Variants in DSC3 observed in about 807,000 individuals in gnomAD.
DSC3 encodes desmocollin-3.
DSC3 carries 97 observed loss-of-function variants against 89.5 expected under a neutral mutation model. That is an observed-to-expected ratio of 1.08 (90% CI 0.92 to 1.28). The LOEUF (loss-of-function observed/expected upper bound fraction) is 1.28, where lower values mean the gene tolerates loss of function less well. DSC3 is among the 50% of genes most tolerant of loss of function. The pLI is 0.00. For missense variants in DSC3, 1,199 were observed against 1,085.3 expected, an observed-to-expected ratio of 1.10 and a Z score of -1.47; for synonymous variants, 436 against 384.1, an observed-to-expected ratio of 1.14 and a Z score of -1.58.
chr18:31,005,685 A>G (rs550187424), intron 12 of DSC3, among the ~76,000 whole-genome samples: 2 of 152,238 alleles, frequency 1.3e-5, no homozygotes, highest in African/African-American at 2.4e-5. Flanking sequence ...TCTACTAAGC[A>G]TTAGGCTAGG....
At chr18:30,996,004 A>AAAAAAAAAAAAAAAAAAAAAAAG (rs1380162048) in intron 15 of DSC3, among the ~76,000 whole-genome samples, 2 of 143,658 alleles carry the variant, frequency 1.4e-5, no homozygotes, top group African/African-American at 5.6e-5. Context: ...AAAAAAGAAA[A>AAAAAAAAAAAAAAAAAAAAAAAG]GAAAGAAAAA....
intron 1 of DSC3, among the ~76,000 whole-genome samples, chr18:31,037,946 T>C (rs1986024241): frequency 6.6e-6 from 1 of 152,190 alleles, no homozygotes; most frequent in Non-Finnish European, 1.5e-5. Flanking sequence ...CTATGAATTC[T>C]ATGAATTCTT....
chr18:30,996,330 T>C (rs1984464536), intron 15 of DSC3, among the ~76,000 whole-genome samples: 1 of 152,234 alleles, frequency 6.6e-6, no homozygotes, highest in African/African-American at 2.4e-5. Flanking sequence ...CCCATAAACA[T>C]ATACAATTAA....
At position 30,993,403 on chromosome 18, in the gene DSC3, T is replaced by G. The variant is rs1022910455; in HGVS notation, c.*772A>C. ...AATTTATTTACAATTTTAAACAAAT[T>G]ACACAAATTGGACAGGAACTATTTC... is the stretch of plus-strand genomic sequence containing the variant. On this transcript the variant is annotated 3_prime_UTR_variant, in exon 16 of 16. Transcript: ENST00000360428. 1.3e-5 allele frequency: 2 copies of G among 152,150 alleles called. No individual in the cohort carries two copies. Among genetic ancestry groups the G allele is most frequent in the Non-Finnish European group, 2.9e-5 (2 of 68,030 alleles). 9.4% of individuals were successfully genotyped at this position (152,150 alleles called of 1,614,324 possible). A position where few individuals can be genotyped will look rare whatever the true frequency, so the allele number is the denominator to read the frequency against.
At chr18:31,006,874 A>G (rs373883501) in intron 12 of DSC3, 33 bp downstream of exon 12, 47 of 1,500,114 alleles carry the variant, frequency 3.1e-5, no homozygotes, top group Non-Finnish European at 4.0e-5. Flanking sequence ...CTGTTATTTC[A>G]GAGTTTATAA....
At chr18:31,022,543 T>A (rs1245647370) in intron 6 of DSC3, 41 bp from the exon 7 acceptor site, 1 of 1,605,688 alleles carries the variant, frequency 6.2e-7, no homozygotes, top group South Asian at 1.1e-5. Context: ...TTTACAGAAT[T>A]GTTAAATATA....
At position 30,992,339 on chromosome 18, in the gene DSC3, C is replaced by G. The variant is rs1182259103; in HGVS notation, c.*1836G>C. 2.6e-5 allele frequency: 4 copies of G among 152,194 alleles called. No homozygotes were observed. Among genetic ancestry groups the G allele is most frequent in the Admixed American group, 2.6e-4 (4 of 15,272 alleles). The allele number at this position is 152,194 out of a possible 1,614,324, so 9.4% of individuals were successfully genotyped here. ...GGGCTGCAGAAGGAATACAACAATTCCCATGAATGCCTTGTTTGTTCTGCA... is the reference window on the plus strand; with the variant it reads ...GGGCTGCAGAAGGAATACAACAATTGCCATGAATGCCTTGTTTGTTCTGCA... On this transcript the variant is annotated 3_prime_UTR_variant, in exon 16 of 16. Transcript: ENST00000360428.
Position 31,018,128 on chromosome 18 carries a change from T to C in DSC3, c.1206A>G (p.Gly402=). The C allele has an allele frequency of 1.2e-6, 2 of 1,612,542 alleles. No individual in the cohort carries two copies. Among genetic ancestry groups the C allele is most frequent in the Non-Finnish European group, 8.5e-7 (1 of 1,179,322 alleles). Residue 402 remains glycine, a synonymous_variant, in exon 9 of 16, where the codon GGA becomes GGG. Coordinates refer to ENST00000360428, the MANE Select transcript of DSC3 (RefSeq NM_001941.5). The stretch of plus-strand genomic sequence containing the variant: ...CTTTGTCTGTGCTGATTTTGAAATG[T>C]CCATTTTCATTTCCCTTTAAAATGG... ...NFTILKGNEN[G]HFKISTDKET...
chr18:31,032,091 T>C (rs1460009283), intron 2 of DSC3, 101 bp downstream of exon 2: 3 of 792,816 alleles, frequency 3.8e-6, no homozygotes, highest in African/African-American at 3.4e-5. Flanking sequence ...CCCTTTTTAG[T>C]AGATTCAGGC....
intron 7 of DSC3, among the ~76,000 whole-genome samples, chr18:31,020,022 G>A (rs914082918): frequency 3.9e-5 from 6 of 152,078 alleles, no homozygotes; most frequent in African/African-American, 9.7e-5. Flanking sequence ...AACGATTCTC[G>A]GAGGAAGTAA....
chr18:31,017,391 A>T (rs1339248316), intron 9 of DSC3, among the ~76,000 whole-genome samples: 1 of 152,214 alleles, frequency 6.6e-6, no homozygotes, highest in Non-Finnish European at 1.5e-5. Context: ...GTTCTGGGCT[A>T]GAAGTATAAA....
At position 31,030,962 on chromosome 18, in the gene DSC3, A is replaced by T. The variant is rs763791348; in HGVS notation, c.354+11T>A. 7.2e-5 allele frequency: 116 copies of T among 1,610,236 alleles called. No homozygotes were observed. Among genetic ancestry groups the T allele is most frequent in the Non-Finnish European group, 9.1e-5 (107 of 1,176,754 alleles). Reference sequence around the variant, plus strand: ...AAAAATGACTGAAAATATTTAATGTACTTTAAATACCTTCTTCTGATGTTC... The same window carrying T: ...AAAAATGACTGAAAATATTTAATGTTCTTTAAATACCTTCTTCTGATGTTC... On this transcript the variant is annotated intron_variant, in intron 3 of 15. Coordinates refer to ENST00000360428, the MANE Select transcript of DSC3 (RefSeq NM_001941.5).
Position 31,004,196 on chromosome 18 carries a change from T to A in DSC3, c.2059A>T (p.Ile687Leu). Residue 687 changes from isoleucine to leucine, a missense_variant, in exon 13 of 16, where the codon ATA becomes TTA. By Grantham distance (5) the Ile-to-Leu change is conservative. Coordinates refer to ENST00000360428, the MANE Select transcript of DSC3 (RefSeq NM_001941.5). ...GCAAGGATTGCCCATTTTCCAAGTA[T>A]TACTCCTGTACTCCTTGAAGTCGCA... ...CRATSRSTGV[I>L]LGKWAILAIL... 6.2e-7 allele frequency: 1 copy of A among 1,613,982 alleles called. No individual in the cohort carries two copies. Among genetic ancestry groups the A allele is most frequent in the African/African-American group, 1.3e-5 (1 of 75,036 alleles).
chr18:31,030,758 G>A (rs1332600381), intron 3 of DSC3, among the ~76,000 whole-genome samples: 1 of 150,042 alleles, frequency 6.7e-6, no homozygotes, highest in Non-Finnish European at 1.5e-5. Context: ...GGAAGGGGAA[G>A]GAAAGGAGAA....
intron 1 of DSC3, among the ~76,000 whole-genome samples, chr18:31,034,133 A>G (rs1985895928): frequency 6.6e-6 from 1 of 152,180 alleles, no homozygotes; most frequent in African/African-American, 2.4e-5. Flanking sequence ...CCTGAAGAAA[A>G]TTCAAACGAA....
chr18:31,034,630 G>A (rs1235545300), intron 1 of DSC3, among the ~76,000 whole-genome samples: 1 of 152,010 alleles, frequency 6.6e-6, no homozygotes, highest in Non-Finnish European at 1.5e-5. Flanking sequence ...TCCATACAAC[G>A]AAATGTTATT....
Position 31,019,341 on chromosome 18 carries a change from G to C in DSC3, c.943-541C>G, listed in dbSNP as rs1420107231. Among the ~76,000 whole-genome samples the C allele has an allele frequency of 2.0e-5, 3 of 152,112 alleles. No individual in the cohort carries two copies. The South Asian group carries it at 6.2e-4, about 32-fold the overall frequency. On this transcript the variant is annotated intron_variant, in intron 7 of 15. Coordinates refer to ENST00000360428, the MANE Select transcript of DSC3 (RefSeq NM_001941.5). ...CCCGATCTCGTGATTCACCCGCCTCGGGCTCCCAAAGTGCTAGGATTACAG... is the reference window on the plus strand; with the variant it reads ...CCCGATCTCGTGATTCACCCGCCTCCGGCTCCCAAAGTGCTAGGATTACAG...
At chr18:31,040,881 C>T (rs1013693802) in intron 1 of DSC3, among the ~76,000 whole-genome samples, 10 of 152,034 alleles carry the variant, frequency 6.6e-5, no homozygotes, top group African/African-American at 2.4e-4. Context: ...TTTACCCATC[C>T]GGTCCGAAAT....
Position 31,042,639 on chromosome 18 carries a change from G to A in DSC3, c.22C>T (p.Arg8Cys). MAAAGPRRSVRGAVCLHL... is the reference protein window; with the variant it reads MAAAGPRCSVRGAVCLHL... ...AGGCAGACGGCTCCGCGCACGGAGC[G>A]CCGGGGCCCAGCGGCGGCCATCGGG... is the stretch of plus-strand genomic sequence containing the variant. The change falls in exon 1 of 16, where the codon CGC becomes TGC. Residue 8 changes from arginine (R) to cysteine (C), a missense_variant. Transcript: ENST00000360428. 6.5e-7 allele frequency: 1 copy of A among 1,550,038 alleles called. No individual in the cohort carries two copies. The highest frequency in any genetic ancestry group is 8.7e-7 in the Non-Finnish European group (1 of 1,146,642).
Sources: allele counts gnomAD v4.1 joint callset (sites outside exome capture counted in the v4.1 genomes callset), GRCh38; gene constraint gnomAD v4.1.1; transcripts MANE v1.5; gene names NCBI Gene and HGNC (gene_info 2026-07-23, HGNC 2026-07-21).